MDGA2: variants seen among roughly 807,000 people sequenced by gnomAD.
MDGA2 encodes the protein MAM domain-containing glycosylphosphatidylinositol anchor protein 2.
Under a neutral mutation model 117.8 loss-of-function variants are expected in MDGA2, and 40 were observed. That is an observed-to-expected ratio of 0.34 (90% confidence interval 0.26 to 0.44). The LOEUF is 0.44. MDGA2 is among the 20% of genes least tolerant of loss of function. MDGA2 has a pLI of 1.00. For synonymous variants in MDGA2, 452 were observed against 439.0 expected (o/e 1.03, Z -0.37); for missense variants, 1,123 against 1,250.6 (o/e 0.90, Z 1.54).
chr14:47,425,134 C>T (rs959049770), intron 1 of MDGA2, among the ~76,000 whole-genome samples: 1 of 152,004 alleles, frequency 6.6e-6, no homozygotes, highest in African/African-American at 2.4e-5. Flanking sequence ...CTCCATAATC[C>T]CTGGTGTATT....
chr14:47,079,967 G>C (rs890299365), intron 6 of MDGA2, among the ~76,000 whole-genome samples: 3 of 151,938 alleles, frequency 2.0e-5, no homozygotes, highest in Admixed American at 2.0e-4. Context: ...TCCTGACCTC[G>C]TGATCCGCCC....
chr14:47,381,196 T>C (rs1321605719), intron 1 of MDGA2, among the ~76,000 whole-genome samples: 6 of 152,196 alleles, frequency 3.9e-5, no homozygotes, highest in African/African-American at 1.4e-4. Context: ...AACTAGGTAT[T>C]GATGGGACAT....
intron 14 of MDGA2, among the ~76,000 whole-genome samples, chr14:46,868,542 C>T (rs963909562): frequency 1.3e-5 from 2 of 151,888 alleles, no homozygotes; most frequent in African/African-American, 4.8e-5. Context: ...GCCAGAGGGG[C>T]ATATATCCTT....
chr14:47,301,277 A>C (rs1248153334), intron 2 of MDGA2, 134 bp downstream of exon 2: 26 of 867,980 alleles, frequency 3.0e-5, no homozygotes, highest in Non-Finnish European at 4.3e-5. Context: ...AGTTACACAC[A>C]CACACACCCA....
At chr14:47,561,141 G>GTTTGTTTTTTTTTTTTTTT (rs1555332241) in intron 1 of MDGA2, among the ~76,000 whole-genome samples, 3 of 52,148 alleles carry the variant, frequency 5.8e-5, no homozygotes, top group East Asian at 2.0e-3. Flanking sequence ...CTCTATCTTT[G>GTTTGTTTTTTTTTTTTTTT]TTTTTTTTTT....
At chr14:47,571,247 G>A (rs1896013480) in intron 1 of MDGA2, among the ~76,000 whole-genome samples, 1 of 152,142 alleles carries the variant, frequency 6.6e-6, no homozygotes, top group Non-Finnish European at 1.5e-5. Flanking sequence ...TAAAAAGCCA[G>A]GAAACAATAG....
intron 1 of MDGA2, among the ~76,000 whole-genome samples, chr14:47,346,284 C>T (rs1890761182): frequency 6.6e-6 from 1 of 152,110 alleles, no homozygotes; most frequent in Admixed American, 6.5e-5. Flanking sequence ...AGTTAACGGA[C>T]AGCTAGTAAG....
chr14:47,074,293 A>C (rs1481975453), intron 6 of MDGA2, among the ~76,000 whole-genome samples: 2 of 149,898 alleles, frequency 1.3e-5, no homozygotes, highest in African/African-American at 4.9e-5. Context: ...GATTCTCACC[A>C]GTAACAGAAC....
At chr14:46,975,851 G>A (rs1238224714) in intron 8 of MDGA2, among the ~76,000 whole-genome samples, 1 of 151,974 alleles carries the variant, frequency 6.6e-6, no homozygotes, top group Non-Finnish European at 1.5e-5. Flanking sequence ...CAGACATAAG[G>A]CTTCTTGCTA....
At chr14:47,507,111 G>T (rs1894529432) in intron 1 of MDGA2, among the ~76,000 whole-genome samples, 1 of 151,818 alleles carries the variant, frequency 6.6e-6, no homozygotes, top group South Asian at 2.1e-4. Flanking sequence ...TTGAAATGAG[G>T]ATACATGATA....
chr14:47,342,012 G>T (rs1164859138), intron 1 of MDGA2, among the ~76,000 whole-genome samples: 1 of 151,848 alleles, frequency 6.6e-6, no homozygotes, highest in East Asian at 1.9e-4. Context: ...GATAATTTTT[G>T]TATTTTTAGT....
rs977727936 is a variant in MDGA2 at position 46,840,630 on chromosome 14, C to T, written c.*1301G>A. ...ATTACCCTCAGAGTTTAGAATAAAG[C>T]CAGATTTTTCAGGCCCAGTTCCACT... On this transcript the variant is annotated 3_prime_UTR_variant, in exon 17 of 17. Transcript: ENST00000399232. 1.3e-5 allele frequency: 2 copies of T among 152,470 alleles called. No individual in the cohort carries two copies. The highest frequency in any genetic ancestry group is 1.3e-4 in the Admixed American group (2 of 15,248). The allele number at this position is 152,470 out of a possible 1,614,324, so 9.4% of individuals were successfully genotyped here. A position where few individuals can be genotyped will look rare whatever the true frequency, so the allele number is the denominator to read the frequency against.
chr14:47,471,965 T>A (rs1893737236), intron 1 of MDGA2, among the ~76,000 whole-genome samples: 1 of 152,094 alleles, frequency 6.6e-6, no homozygotes, highest in East Asian at 1.9e-4. Context: ...CTGGATAAAA[T>A]GCTTTTCATT....
intron 2 of MDGA2, among the ~76,000 whole-genome samples, chr14:47,252,686 T>A (rs10142767): frequency 6.6e-6 from 1 of 151,928 alleles, no homozygotes; most frequent in Non-Finnish European, 1.5e-5. Flanking sequence ...TTGACAGATA[T>A]GAAAATGCTA....
At chr14:47,370,600 A>T (rs1891335011) in intron 1 of MDGA2, among the ~76,000 whole-genome samples, 1 of 149,318 alleles carries the variant, frequency 6.7e-6, no homozygotes, top group African/African-American at 2.5e-5. Context: ...CAGTATCCAC[A>T]TGTAAGAATG....
chr14:47,448,462 C>T (rs929695428), intron 1 of MDGA2, among the ~76,000 whole-genome samples: 1 of 152,022 alleles, frequency 6.6e-6, no homozygotes, highest in African/African-American at 2.4e-5. Flanking sequence ...TCAATCCCCC[C>T]ACTCCAATCA....
intron 1 of MDGA2, among the ~76,000 whole-genome samples, chr14:47,429,598 A>G (rs554095710): frequency 1.3e-5 from 2 of 152,144 alleles, no homozygotes; most frequent in African/African-American, 2.4e-5. Flanking sequence ...CACATTAGGT[A>G]CAATCTTCAT....
intron 3 of MDGA2, among the ~76,000 whole-genome samples, chr14:47,217,056 C>T (rs1388643883): frequency 6.6e-6 from 1 of 152,050 alleles, no homozygotes; most frequent in Non-Finnish European, 1.5e-5. Flanking sequence ...ACTTCTCAGT[C>T]ATCTAAATAA....
At chr14:47,614,526 A>T (rs1896914821) in intron 1 of MDGA2, among the ~76,000 whole-genome samples, 1 of 152,176 alleles carries the variant, frequency 6.6e-6, no homozygotes, top group Admixed American at 6.5e-5. Context: ...CTCACAGATA[A>T]ATTATAGATT....
Sources: allele counts gnomAD v4.1 joint callset (sites outside exome capture counted in the v4.1 genomes callset), GRCh38; gene constraint gnomAD v4.1.1; transcripts MANE v1.5; gene names NCBI Gene and HGNC (gene_info 2026-07-23, HGNC 2026-07-21).